Variants in HSD17B2 observed in about 807,000 individuals in gnomAD.
HSD17B2 encodes the protein hydroxysteroid 17-beta dehydrogenase 2.
A neutral mutation model predicts 26.9 loss-of-function variants in HSD17B2; 32 were observed. That is an observed-to-expected ratio of 1.19 (90% CI 0.90 to 1.60). HSD17B2 has a LOEUF of 1.60. HSD17B2 is among the 40% of genes most tolerant of loss of function. The pLI is 0.00. For missense variants in HSD17B2, 613 were observed against 468.6 expected (o/e 1.31, Z -2.85); for synonymous variants, 246 against 186.7 (o/e 1.32, Z -2.59).
intron 1 of HSD17B2, among the ~76,000 whole-genome samples, chr16:82,039,743 TG>T (rs1324350964): frequency 6.6e-6 from 1 of 152,180 alleles, no homozygotes; most frequent in Non-Finnish European, 1.5e-5. Flanking sequence ...CCTTTCATCC[TG>T]CCCCCTCCAG....
chr16:82,062,282 C>G (rs967822171), intron 1 of HSD17B2, among the ~76,000 whole-genome samples: 1 of 152,160 alleles, frequency 6.6e-6, no homozygotes, highest in Non-Finnish European at 1.5e-5. Context: ...TGATGGGTTT[C>G]CAGGCTGCTA....
intron 1 of HSD17B2, among the ~76,000 whole-genome samples, chr16:82,057,100 C>T (rs944206144): frequency 6.6e-6 from 1 of 152,004 alleles, no homozygotes; most frequent in Non-Finnish European, 1.5e-5. Flanking sequence ...AATTAATAAG[C>T]GAGGGAGAAG....
In HSD17B2 at chr16:82,090,926, C is replaced by G; in HGVS notation, c.689C>G (p.Ala230Gly). Residue 230 changes from alanine (A) to glycine (G), a missense_variant, in exon 4 of 5, where the codon GCA becomes GGA. Physicochemically the swap from Ala to Gly is moderately conservative, Grantham distance 60. Transcript: ENST00000199936. ...MGGGAPMERL[A>G]SYGSSKAAVT... ...GGAGGGGCCCCAATGGAAAGGCTGG[C>G]ATCTTATGGCTCATCAAAGGCGGCT... 6 of 1,613,328 alleles carry G rather than the reference C, an allele frequency of 3.7e-6. No individual in the cohort carries two copies. The highest frequency in any genetic ancestry group is 5.1e-6 in the Non-Finnish European group (6 of 1,179,568).
At chr16:82,044,374 C>T (rs1418627808) in intron 1 of HSD17B2, 1 of 152,184 alleles carries the variant, frequency 6.6e-6, no homozygotes, top group African/African-American at 2.4e-5. Flanking sequence ...TGCATTGGAG[C>T]ACGGGTCTTA....
chr16:82,039,969 T>C (rs1229369523), intron 1 of HSD17B2, among the ~76,000 whole-genome samples: 1 of 152,174 alleles, frequency 6.6e-6, no homozygotes, highest in African/African-American at 2.4e-5. Context: ...AAGAGGGACC[T>C]CGTTAAGAAT....
Position 82,053,985 on chromosome 16 carries a change from A to C in HSD17B2, c.266-14185A>C, listed in dbSNP as rs141441843. ...TCACTTAAGGTCACCATGCTCATTAAGTCAAGAGATTATGTGCTGGAGTCC... is the reference window on the plus strand; with the variant it reads ...TCACTTAAGGTCACCATGCTCATTACGTCAAGAGATTATGTGCTGGAGTCC... On this transcript the variant is annotated intron_variant, in intron 1 of 4. Transcript: ENST00000199936. 1.5e-3 allele frequency among the ~76,000 whole-genome samples: 225 copies of C among 152,334 alleles called. 1 individual carries two copies. The Middle Eastern group carries it at 0.027, about 18-fold the overall frequency.
At chr16:82,097,991 A>G (rs1904903214) in intron 4 of HSD17B2, 84 bp from the exon 5 acceptor site, 4 of 1,374,102 alleles carry the variant, frequency 2.9e-6, no homozygotes, top group Non-Finnish European at 3.9e-6. Flanking sequence ...GCAAAGGGCC[A>G]TCCTTCCCAA....
intron 1 of HSD17B2, among the ~76,000 whole-genome samples, chr16:82,051,131 C>G (rs1040073776): frequency 1.3e-5 from 2 of 152,202 alleles, no homozygotes; most frequent in Admixed American, 6.5e-5. Context: ...TAGAACTTTT[C>G]TCACCTTGAA....
Position 82,098,422 on chromosome 16 carries a change from A to T in HSD17B2, c.1150A>T (p.Lys384Ter). ...AGCTCTAAGAATGCCTAACTACAAG[A>T]AAAAGGCCACCTAGGCAATGGAAGC... ...PRALRMPNYK[K>*]KAT Residue 384 changes from lysine (K) to a stop codon, truncating the protein, a stop_gained, in exon 5 of 5, where the codon AAA becomes TAA. Coordinates refer to ENST00000199936, the MANE Select transcript of HSD17B2 (RefSeq NM_002153.3). LOFTEE classifies it high-confidence loss of function. 1 of 1,600,838 alleles carries T rather than the reference A, an allele frequency of 6.2e-7. No individual in the cohort carries two copies. Among genetic ancestry groups the T allele is most frequent in the Non-Finnish European group, 8.5e-7 (1 of 1,172,780 alleles).
chr16:82,085,808 C>G (rs981467897), intron 3 of HSD17B2, among the ~76,000 whole-genome samples: 1 of 152,120 alleles, frequency 6.6e-6, no homozygotes, highest in African/African-American at 2.4e-5. Flanking sequence ...ACCACATTTT[C>G]AAGCTTGAGA....
Position 82,087,857 on chromosome 16 carries a change from G to A in HSD17B2, c.665-3045G>A, listed in dbSNP as rs555251067. Among the ~76,000 whole-genome samples, 40 of 152,150 alleles carry A rather than the reference G, an allele frequency of 2.6e-4. No individual in the cohort carries two copies. In the South Asian group the frequency reaches 3.5e-3, roughly 13 times the overall value. On this transcript the variant is annotated intron_variant, in intron 3 of 4. Transcript: ENST00000199936. ...AGGGAGAAAGAGAAAGAGAGCGAAA[G>A]GGGGCCAAAATCCCCTTTTTATGAC... is the stretch of plus-strand genomic sequence containing the variant.
chr16:82,063,512 T>G (rs986078958), intron 1 of HSD17B2, among the ~76,000 whole-genome samples: 4 of 152,038 alleles, frequency 2.6e-5, no homozygotes, highest in African/African-American at 9.7e-5. Flanking sequence ...GCAGATGGTC[T>G]CCCGTGATCT....
intron 4 of HSD17B2, chr16:82,096,283 G>A (rs1182778396): frequency 6.6e-6 from 1 of 152,138 alleles, no homozygotes; most frequent in African/African-American, 2.4e-5. Context: ...GCGCAGTGGT[G>A]CGATCTCAGC....
intron 2 of HSD17B2, among the ~76,000 whole-genome samples, chr16:82,070,072 A>C (rs564779403): frequency 3.3e-5 from 5 of 152,272 alleles, no homozygotes; most frequent in Admixed American, 1.3e-4. Context: ...CACGTATACA[A>C]AGTTATCTAT....
intron 1 of HSD17B2, among the ~76,000 whole-genome samples, chr16:82,060,992 G>A (rs1914422947): frequency 1.3e-5 from 2 of 152,094 alleles, no homozygotes; most frequent in South Asian, 2.1e-4. Context: ...CAGGCGTGGC[G>A]ACTCACACCT....
intron 1 of HSD17B2, among the ~76,000 whole-genome samples, chr16:82,041,522 G>A (rs965520709): frequency 6.6e-6 from 1 of 152,206 alleles, no homozygotes; most frequent in African/African-American, 2.4e-5. Context: ...TGCTTACCCA[G>A]GATGTGGCAC....
At chr16:82,078,449 G>C (rs1904314988) in intron 3 of HSD17B2, among the ~76,000 whole-genome samples, 1 of 152,146 alleles carries the variant, frequency 6.6e-6, no homozygotes, top group Non-Finnish European at 1.5e-5. Flanking sequence ...ATGTAAATTA[G>C]TACAATTGCT....
chr16:82,058,409 T>G (rs1914337084), intron 1 of HSD17B2, among the ~76,000 whole-genome samples: 1 of 152,188 alleles, frequency 6.6e-6, no homozygotes, highest in South Asian at 2.1e-4. Context: ...TGCGAAGTAT[T>G]TGGGAACTCT....
chr16:82,074,816 A>G (rs1034795272), intron 3 of HSD17B2, among the ~76,000 whole-genome samples: 1 of 152,218 alleles, frequency 6.6e-6, no homozygotes, highest in African/African-American at 2.4e-5. Flanking sequence ...CAATAAAGAA[A>G]CATCAAACTT....
Sources: allele counts gnomAD v4.1 joint callset (sites outside exome capture counted in the v4.1 genomes callset), GRCh38; gene constraint gnomAD v4.1.1; transcripts MANE v1.5; gene names NCBI Gene and HGNC (gene_info 2026-07-23, HGNC 2026-07-21).